ADAMTS9: variants seen among roughly 807,000 people sequenced by gnomAD.
ADAMTS9 encodes A disintegrin and metalloproteinase with thrombospondin motifs 9.
Under a neutral mutation model 257.1 loss-of-function variants are expected in ADAMTS9, and 107 were observed. That is an observed-to-expected ratio of 0.42 (90% CI 0.36 to 0.49). The LOEUF is 0.49. Among genes scored for constraint, ADAMTS9 ranks in the 20% least tolerant of loss-of-function variants. The probability of loss-of-function intolerance (pLI) is 0.03; values close to 1 mark genes in which losing one functional copy is unlikely to be tolerated. For synonymous variants in ADAMTS9, 982 were observed against 880.9 expected, an observed-to-expected ratio of 1.11 and a Z score of -2.03; for missense variants, 2,353 against 2,469.1, an observed-to-expected ratio of 0.95 and a Z score of 1.00.
At chr3:64,605,195 T>C (rs1411659017) in intron 23 of ADAMTS9, among the ~76,000 whole-genome samples, 1 of 152,108 alleles carries the variant, frequency 6.6e-6, no homozygotes, top group Non-Finnish European at 1.5e-5. Context: ...TTTTACAAAG[T>C]GAAGGAATTA....
chr3:64,538,611 C>A (rs1366148453), intron 37 of ADAMTS9, among the ~76,000 whole-genome samples: 1 of 151,786 alleles, frequency 6.6e-6, no homozygotes, highest in South Asian at 2.1e-4. Flanking sequence ...CTTGTTTTTT[C>A]TGTCTAATCC....
chr3:64,621,140 T>A lies in ADAMTS9; in HGVS notation c.2787A>T (p.Glu929Asp), dbSNP rs1700093107. 6.2e-7 allele frequency: 1 copy of A among 1,613,698 alleles called. No individual in the cohort carries two copies. Among genetic ancestry groups the A allele is most frequent in the Non-Finnish European group, 8.5e-7 (1 of 1,179,806 alleles). The change falls in exon 19 of 40, where the codon GAA becomes GAT. Residue 929 changes from glutamate (E) to aspartate (D), a missense_variant. Physicochemically the swap from Glu to Asp is conservative, Grantham distance 45. Coordinates refer to ENST00000498707, the MANE Select transcript of ADAMTS9 (RefSeq NM_182920.2). ...DRLPQPGHIT[E>D]PCGTDCDLRW... Reference sequence around the variant, plus strand: ...TCAGGTCACAGTCTGTACCACAGGGTTCAGTAATGTGTCCAGGCTGGGGCA... The same window carrying A: ...TCAGGTCACAGTCTGTACCACAGGGATCAGTAATGTGTCCAGGCTGGGGCA...
At position 64,517,416 on chromosome 3, in the gene ADAMTS9, G is replaced by GTTT. The variant is rs755480110; in HGVS notation, c.*6-298_*6-296dup. Among the ~76,000 whole-genome samples the GTTT allele has an allele frequency of 5.9e-3, 313 of 52,658 alleles. 80 individuals are homozygous for GTTT. Among genetic ancestry groups the GTTT allele is most frequent in the Non-Finnish European group, 9.0e-3 (235 of 26,238 alleles). 34.5% of individuals were successfully genotyped at this position (52,658 alleles called of 152,430 possible). A position where few individuals can be genotyped will look rare whatever the true frequency, so the allele number is the denominator to read the frequency against. Reference sequence around the variant, plus strand: ...CATCAAGCCCAGCTAATTAAAAATGGTTTTTTTTTTTTTTTTTTTTTTTGC... The same window carrying GTTT: ...CATCAAGCCCAGCTAATTAAAAATGGTTTTTTTTTTTTTTTTTTTTTTTTTTGC... On this transcript the variant is annotated intron_variant, in intron 39 of 39. Transcript: ENST00000498707.
chr3:64,523,289 G>A (rs1057131734), intron 38 of ADAMTS9, among the ~76,000 whole-genome samples: 2 of 152,106 alleles, frequency 1.3e-5, no homozygotes, highest in Non-Finnish European at 2.9e-5. Context: ...CTCTTAATGG[G>A]TCCACACATA....
chr3:64,659,405 C>CTGA (rs1309775160), intron 3 of ADAMTS9, among the ~76,000 whole-genome samples: 2 of 150,204 alleles, frequency 1.3e-5, no homozygotes. Flanking sequence ...GAGGCAGAGC[C>CTGA]TGACGTGAGT....
rs185324401 is a variant in ADAMTS9 at position 64,642,193 on chromosome 3, A to G, written c.1711-200T>C. Among the ~76,000 whole-genome samples the G allele has an allele frequency of 7.2e-5, 11 of 152,322 alleles. No individual in the cohort carries two copies. In the East Asian group the frequency reaches 2.1e-3, roughly 29 times the overall value. On this transcript the variant is annotated intron_variant, in intron 11 of 39. Coordinates refer to ENST00000498707, the MANE Select transcript of ADAMTS9 (RefSeq NM_182920.2). ...GTGATTTTAGGCTGGGTCTTCCTTTACAGCTTGCTTGAATAAAACTGGCCA... is the reference window on the plus strand; with the variant it reads ...GTGATTTTAGGCTGGGTCTTCCTTTGCAGCTTGCTTGAATAAAACTGGCCA...
At chr3:64,631,959 G>A (rs375865173) in intron 14 of ADAMTS9, 34 bp from the exon 15 acceptor site, 15 of 1,473,474 alleles carry the variant, frequency 1.0e-5, no homozygotes, top group Non-Finnish European at 1.4e-5. Context: ...ATAAATGTAA[G>A]CATTATAGAG....
At chr3:64,650,844 T>C (rs1700913852) in intron 9 of ADAMTS9, 173 bp downstream of exon 9, 1 of 614,340 alleles carries the variant, frequency 1.6e-6, no homozygotes, top group Non-Finnish European at 2.6e-6. Context: ...GTCAAGGATA[T>C]GAACTACACA....
intron 38 of ADAMTS9, 43 bp from the exon 39 acceptor site, chr3:64,522,303 G>A: frequency 6.4e-7 from 1 of 1,570,470 alleles, no homozygotes; most frequent in East Asian, 2.2e-5. Context: ...CTTGGTTAAT[G>A]CTTTCAGGGC....
chr3:64,601,873 T>G, intron 26 of ADAMTS9, 71 bp downstream of exon 26: 1 of 1,503,576 alleles, frequency 6.7e-7, no homozygotes, highest in Non-Finnish European at 8.9e-7. Flanking sequence ...TCTAAAGGTG[T>G]TTCTAGTCTC....
intron 28 of ADAMTS9, among the ~76,000 whole-genome samples, chr3:64,591,485 A>C (rs190922963): frequency 3.2e-4 from 48 of 152,256 alleles, no homozygotes; most frequent in Non-Finnish European, 4.4e-4. Flanking sequence ...CTACCAAAAA[A>C]AGAGTCCAAA....
chr3:64,638,682 G>A (rs1056055428), intron 12 of ADAMTS9, among the ~76,000 whole-genome samples: 4 of 152,150 alleles, frequency 2.6e-5, no homozygotes, highest in Non-Finnish European at 5.9e-5. Flanking sequence ...AAAATATCTT[G>A]TGACCAAAAT....
chr3:64,658,810 T>G lies in ADAMTS9; in HGVS notation c.680-19A>C. Reference sequence around the variant, plus strand: ...TTGTGTTCTGTAACAAATCAGATGGTATGCATTACATTTCAAGCCACATCT... The same window carrying G: ...TTGTGTTCTGTAACAAATCAGATGGGATGCATTACATTTCAAGCCACATCT... On this transcript the variant is annotated intron_variant, in intron 3 of 39. Transcript: ENST00000498707. 6.3e-7 allele frequency: 1 copy of G among 1,595,198 alleles called. No homozygotes were observed.
chr3:64,611,118 G>T (rs1036573535), intron 22 of ADAMTS9, among the ~76,000 whole-genome samples: 1 of 148,152 alleles, frequency 6.7e-6, no homozygotes. Context: ...TCAGAATTAC[G>T]GTATGATTCA....
In ADAMTS9 at chr3:64,631,914, G is replaced by A. The variant is rs201032000; in HGVS notation, c.2187C>T (p.Cys729=). 40 of 1,612,340 alleles carry A rather than the reference G, an allele frequency of 2.5e-5. No individual in the cohort carries two copies. The highest frequency in any genetic ancestry group is 1.0e-4 in the Admixed American group (6 of 59,768). The change falls in exon 15 of 40, where the codon TGC becomes TGT. Residue 729 remains cysteine, a synonymous_variant. Transcript: ENST00000498707. ...CVQGLCRQAG[C]DHVLNSKARR... ...GGGCTTTTGAGTTTAAAACATGATC[G>A]CATCCAGCTTGCTTTTAAAAAGAAA...
In ADAMTS9 at chr3:64,655,691, C is replaced by A. The variant is rs752643275; in HGVS notation, c.1054G>T (p.Asp352Tyr). 4 of 1,612,756 alleles carry A rather than the reference C, an allele frequency of 2.5e-6. No individual in the cohort carries two copies. In the Admixed American group the frequency reaches 5.0e-5, roughly 20 times the overall value. The change falls in exon 6 of 40, where the codon GAT becomes TAT. Residue 352 changes from aspartate (D) to tyrosine (Y), a missense_variant and splice_region_variant. Physicochemically the swap from Asp to Tyr is radical, Grantham distance 160 (BLOSUM62 -3). Around this residue, in one of 3 missense-constraint regions of ADAMTS9, gnomAD observed 591 missense variants for 569.6 expected, o/e 1.04. Transcript: ENST00000498707. ...VNLIVIHNEQDGPSISFNAQT... is the reference protein window; with the variant it reads ...VNLIVIHNEQYGPSISFNAQT... ...GCATTAAAAGATATGGAAGGCCCAT[C>A]CTAAATACAGAGAAGAATTATGGTT... is the stretch of plus-strand genomic sequence containing the variant.
At chr3:64,529,855 G>A (rs547404351) in intron 38 of ADAMTS9, among the ~76,000 whole-genome samples, 2 of 152,178 alleles carry the variant, frequency 1.3e-5, no homozygotes, top group South Asian at 4.2e-4. Flanking sequence ...GTCTTACTCT[G>A]TTGCCCAGGC....
intron 12 of ADAMTS9, among the ~76,000 whole-genome samples, chr3:64,636,357 G>A (rs984879211): frequency 1.3e-5 from 2 of 152,160 alleles, no homozygotes; most frequent in Non-Finnish European, 2.9e-5. Context: ...TGGAAACAGA[G>A]GGTTTGAATC....
chr3:64,641,494 C>T (rs868174675), intron 12 of ADAMTS9, among the ~76,000 whole-genome samples: 29 of 131,608 alleles, frequency 2.2e-4, no homozygotes, highest in African/African-American at 6.1e-4. Context: ...CAACAGTCCC[C>T]AGAGTGTGAT....
Sources: gnomAD v4.1 joint callset for allele counts (sites outside exome capture counted in the v4.1 genomes callset) on GRCh38, gnomAD v4.1.1 for gene constraint, gnomAD v4.1.1 regional missense constraint, MANE v1.5 for transcripts, NCBI Gene and HGNC (gene_info 2026-07-23, HGNC 2026-07-21) for gene names.